Variants in PCDH7 observed in about 807,000 individuals in gnomAD.
PCDH7 encodes protocadherin-7.
Under a neutral mutation model 58.9 loss-of-function variants are expected in PCDH7, and 17 were observed. That is an observed-to-expected ratio of 0.29 (90% CI 0.20 to 0.43). The LOEUF (loss-of-function observed/expected upper bound fraction) is 0.43, where lower values mean the gene tolerates loss of function less well. Ranked by LOEUF, PCDH7 falls within the 20% of genes least tolerant of loss-of-function variation. The probability of loss-of-function intolerance (pLI) is 1.00; values close to 1 mark genes in which losing one functional copy is unlikely to be tolerated. For synonymous variants in PCDH7, 664 were observed against 616.4 expected, an observed-to-expected ratio of 1.08 and a Z score of -1.14; for missense variants, 1,274 against 1,441.0, an observed-to-expected ratio of 0.88 and a Z score of 1.88.
chr4:31,064,911 T>C (rs1757963900), intron 3 of PCDH7, among the ~76,000 whole-genome samples: 1 of 152,136 alleles, frequency 6.6e-6, no homozygotes, highest in South Asian at 2.1e-4. Flanking sequence ...TCATATATTA[T>C]TTCATAGCTT....
At chr4:30,952,489 G>GA (rs1405233376) in intron 3 of PCDH7, among the ~76,000 whole-genome samples, 1 of 151,340 alleles carries the variant, frequency 6.6e-6, no homozygotes, top group Non-Finnish European at 1.5e-5. Context: ...AAATCTTTGA[G>GA]AAAAAAGAAG....
intron 3 of PCDH7, among the ~76,000 whole-genome samples, chr4:31,027,530 C>T (rs1401958330): frequency 6.6e-6 from 1 of 152,228 alleles, no homozygotes; most frequent in South Asian, 2.1e-4. Flanking sequence ...TCAAGGGATT[C>T]TCCTGCCTCA....
intron 3 of PCDH7, among the ~76,000 whole-genome samples, chr4:30,957,899 A>C (rs988632627): frequency 2.6e-5 from 4 of 152,128 alleles, no homozygotes; most frequent in Non-Finnish European, 4.4e-5. Context: ...TTAGTGGATA[A>C]TTTCCAAGTA....
At chr4:31,036,008 C>A (rs1289339794) in intron 3 of PCDH7, among the ~76,000 whole-genome samples, 1 of 152,108 alleles carries the variant, frequency 6.6e-6, no homozygotes, top group East Asian at 1.9e-4. Flanking sequence ...GGTTAATATG[C>A]TTTTTGTTCC....
At chr4:30,920,169 C>A (rs748162003) in exon 2 of PCDH7, 1 of 1,367,554 alleles carries the variant, frequency 7.3e-7, no homozygotes, top group Non-Finnish European at 9.8e-7. Context: ...CGTAGAGTGA[C>A]GTTTTCTGTT....
rs1373886058 is a variant in PCDH7, at chr4:30,722,680, A to C, written c.1258A>C (p.Ile420Leu). Residue 420 changes from isoleucine (I) to leucine (L), a missense_variant, in exon 1 of 2, where the codon ATT (isoleucine) becomes CTT (leucine). By Grantham distance (5) the Ile-to-Leu change is conservative. Transcript: ENST00000361762. This position sits in a 1 kb window ranked among gnomAD's most constrained non-coding sequence, Gnocchi z 7.6. ...CGTGCCGTCCATTGAAATCCGCAAG[A>C]TTGGGCGCATCCCCCTCAAGGACGG... 6.2e-6 allele frequency: 10 copies of C among 1,613,488 alleles called. No individual in the cohort carries two copies. The highest frequency in any genetic ancestry group is 8.5e-6 in the Non-Finnish European group (10 of 1,180,026).
intron 1 of PCDH7, among the ~76,000 whole-genome samples, chr4:30,831,034 G>A (rs1270806345): frequency 6.6e-6 from 1 of 152,002 alleles, no homozygotes; most frequent in Non-Finnish European, 1.5e-5. Context: ...CTGAAAGTAT[G>A]GGTGTGCCGA....
At chr4:31,005,119 T>C (rs1056065407) in intron 3 of PCDH7, among the ~76,000 whole-genome samples, 3 of 152,222 alleles carry the variant, frequency 2.0e-5, no homozygotes, top group African/African-American at 7.2e-5. Flanking sequence ...GCAGGATTTC[T>C]TGAATTTCAA....
At chr4:30,796,691 G>A (rs570548093) in intron 1 of PCDH7, among the ~76,000 whole-genome samples, 27 of 152,200 alleles carry the variant, frequency 1.8e-4, no homozygotes, top group Admixed American at 9.2e-4. Context: ...CTTTTAATAC[G>A]TAAATTTTAA....
chr4:31,002,471 G>A (rs1404573720), intron 3 of PCDH7, among the ~76,000 whole-genome samples: 2 of 152,188 alleles, frequency 1.3e-5, no homozygotes, highest in Non-Finnish European at 2.9e-5. Context: ...TAGAGTTATA[G>A]ACTCTACTTA....
intron 1 of PCDH7, among the ~76,000 whole-genome samples, chr4:30,772,733 T>C (rs1299618245): frequency 6.6e-6 from 1 of 152,228 alleles, no homozygotes; most frequent in African/African-American, 2.4e-5. Flanking sequence ...AAATAAACAC[T>C]TACTGTGTGC....
At chr4:31,011,254 T>C (rs1319909200) in intron 3 of PCDH7, among the ~76,000 whole-genome samples, 3 of 152,022 alleles carry the variant, frequency 2.0e-5, no homozygotes, top group Admixed American at 6.6e-5. Flanking sequence ...TAAGCTATTT[T>C]ATAAGAAGAT....
At chr4:30,810,832 A>G (rs955268742) in intron 1 of PCDH7, among the ~76,000 whole-genome samples, 4 of 151,708 alleles carry the variant, frequency 2.6e-5, no homozygotes, top group African/African-American at 9.7e-5. Context: ...GTGGTCTTGA[A>G]CTCCTGACCT....
At chr4:31,066,452 A>T (rs550918917) in intron 3 of PCDH7, among the ~76,000 whole-genome samples, 1 of 152,002 alleles carries the variant, frequency 6.6e-6, no homozygotes, top group Admixed American at 6.6e-5. Context: ...TAGAATTCTA[A>T]TTTTTCTCTT....
intron 3 of PCDH7, among the ~76,000 whole-genome samples, chr4:31,020,178 A>G (rs948349536): frequency 6.6e-6 from 1 of 152,260 alleles, no homozygotes; most frequent in African/African-American, 2.4e-5. Context: ...GTAAAAGCTG[A>G]GGATCAACAT....
chr4:30,911,307 T>TA (rs987061284), intron 1 of PCDH7, among the ~76,000 whole-genome samples: 64 of 127,446 alleles, frequency 5.0e-4, no homozygotes, highest in African/African-American at 1.0e-3. Context: ...TAAGGTATAT[T>TA]AAAAAAAAAA....
intron 1 of PCDH7, among the ~76,000 whole-genome samples, chr4:30,728,292 T>G (rs980522535): frequency 0.027 from 2,627 of 99,056 alleles, 31 homozygotes; most frequent in Middle Eastern, 0.05. Context: ...TATATATATA[T>G]ATATAGAGAG....
chr4:30,757,161 T>A (rs1719408449), intron 1 of PCDH7, among the ~76,000 whole-genome samples: 1 of 152,216 alleles, frequency 6.6e-6, no homozygotes, highest in Non-Finnish European at 1.5e-5. Flanking sequence ...TTTCTGTATT[T>A]GTGCACAAGA....
intron 3 of PCDH7, among the ~76,000 whole-genome samples, chr4:31,072,799 G>A (rs1213219623): frequency 1.3e-5 from 2 of 152,122 alleles, no homozygotes; most frequent in African/African-American, 4.8e-5. Context: ...CCTGCAATGG[G>A]TTGTAAGAAC....
Sources: allele counts gnomAD v4.1 joint callset (sites outside exome capture counted in the v4.1 genomes callset), GRCh38; gene constraint gnomAD v4.1.1; non-coding constraint Gnocchi (gnomAD v3.1); transcripts MANE v1.5; gene names NCBI Gene and HGNC (gene_info 2026-07-23, HGNC 2026-07-21).